CECR2: variants seen among roughly 807,000 people sequenced by gnomAD.
The protein encoded by CECR2 is chromatin remodeling regulator CECR2.
CECR2 carries 30 observed loss-of-function variants against 154.5 expected under a neutral mutation model. The observed-to-expected ratio is 0.19, with a 90% CI of 0.15 to 0.26. The LOEUF (loss-of-function observed/expected upper bound fraction) is 0.26, where lower values mean the gene tolerates loss of function less well. Among genes scored for constraint, CECR2 ranks in the 10% least tolerant of loss-of-function variants. CECR2 has a pLI of 1.00. For missense variants in CECR2, 1,743 were observed against 1,829.3 expected, an observed-to-expected ratio of 0.95 and a Z score of 0.86; for synonymous variants, 725 against 683.7, an observed-to-expected ratio of 1.06 and a Z score of -0.94.
At chr22:17,443,643 C>T (rs1312517900) in intron 1 of CECR2, among the ~76,000 whole-genome samples, 2 of 152,170 alleles carry the variant, frequency 1.3e-5, no homozygotes, top group Middle Eastern at 3.2e-3. Flanking sequence ...CTTTCTCTGC[C>T]GCAGCACCCC....
chr22:17,467,901 A>G (rs954274036), intron 1 of CECR2, among the ~76,000 whole-genome samples: 1 of 152,204 alleles, frequency 6.6e-6, no homozygotes, highest in African/African-American at 2.4e-5. Flanking sequence ...GAGAATTCAC[A>G]CGATCTTTTG....
At chr22:17,547,424 G>A (rs1397779443) in intron 16 of CECR2, among the ~76,000 whole-genome samples, 1 of 152,060 alleles carries the variant, frequency 6.6e-6, no homozygotes, top group East Asian at 1.9e-4. Flanking sequence ...TAGAGACGGG[G>A]TTTCACCGTG....
At chr22:17,391,862 C>T (rs2063329329) in intron 1 of CECR2, among the ~76,000 whole-genome samples, 2 of 152,278 alleles carry the variant, frequency 1.3e-5, no homozygotes, top group South Asian at 2.1e-4. Context: ...AGTACAGTGG[C>T]GCAATCTCCG....
chr22:17,381,378 TA>T (rs753048027), intron 1 of CECR2, among the ~76,000 whole-genome samples: 1 of 152,080 alleles, frequency 6.6e-6, no homozygotes, highest in African/African-American at 2.4e-5. Context: ...ACTTTTTTTT[TA>T]ACACGGAACA....
chr22:17,365,576 C>A (rs569753465), upstream of CECR2, among the ~76,000 whole-genome samples: 117 of 150,484 alleles, frequency 7.8e-4, no homozygotes, highest in African/African-American at 2.8e-3. Context: ...GGTGCCTGTA[C>A]ACCCAGCTAC....
chr22:17,538,955 G>C, intron 12 of CECR2, 38 bp from the exon 13 acceptor site: 1 of 1,600,570 alleles, frequency 6.2e-7, no homozygotes, highest in Non-Finnish European at 8.5e-7. Flanking sequence ...TTTGCTCTCA[G>C]CATATTTTAA....
chr22:17,440,702 T>C (rs1366957066), intron 1 of CECR2, among the ~76,000 whole-genome samples: 2 of 152,152 alleles, frequency 1.3e-5, no homozygotes, highest in Non-Finnish European at 2.9e-5. Context: ...CAAGAAAAAC[T>C]TGATTTCAAG....
chr22:17,528,523 TTTTTCTTTTC>T (rs933881535), intron 9 of CECR2, among the ~76,000 whole-genome samples: 2 of 152,044 alleles, frequency 1.3e-5, no homozygotes, highest in Non-Finnish European at 2.9e-5. Flanking sequence ...TATGGCTTTT[TTTTTCTTTTC>T]TTTTCTTTTT....
chr22:17,407,217 A>G (rs1415553962), intron 1 of CECR2, among the ~76,000 whole-genome samples: 1 of 152,234 alleles, frequency 6.6e-6, no homozygotes, highest in African/African-American at 2.4e-5. Context: ...GTGTAAAATC[A>G]TTTCCTTAGT....
At chr22:17,456,658 T>TA (rs930179994) in intron 1 of CECR2, among the ~76,000 whole-genome samples, 2 of 152,094 alleles carry the variant, frequency 1.3e-5, no homozygotes, top group African/African-American at 4.8e-5. Flanking sequence ...ATCCCTTTTT[T>TA]AAAAAAAGAG....
intron 1 of CECR2, among the ~76,000 whole-genome samples, chr22:17,455,563 A>G (rs1158226831): frequency 6.6e-6 from 1 of 152,114 alleles, no homozygotes; most frequent in East Asian, 1.9e-4. Flanking sequence ...TTAGGTATCC[A>G]TTGATGTGTA....
At chr22:17,406,074 T>C (rs1465833224) in intron 1 of CECR2, among the ~76,000 whole-genome samples, 1 of 152,236 alleles carries the variant, frequency 6.6e-6, no homozygotes, top group Non-Finnish European at 1.5e-5. Flanking sequence ...TATTTGGGAA[T>C]TTTCCAGAGA....
At chr22:17,378,424 G>A (rs2063146295) in intron 1 of CECR2, among the ~76,000 whole-genome samples, 1 of 151,204 alleles carries the variant, frequency 6.6e-6, no homozygotes, top group Admixed American at 6.6e-5. Flanking sequence ...AGCCTCCTGA[G>A]TAGCTGGGAC....
chr22:17,447,894 T>G (rs1042584718), intron 1 of CECR2, among the ~76,000 whole-genome samples: 1 of 152,040 alleles, frequency 6.6e-6, no homozygotes. Context: ...TGTTTGTTTG[T>G]TTTTGTTTTT....
intron 1 of CECR2, among the ~76,000 whole-genome samples, chr22:17,468,477 G>A (rs967347369): frequency 6.6e-6 from 1 of 152,080 alleles, no homozygotes; most frequent in African/African-American, 2.4e-5. Context: ...GCCAGGAGTT[G>A]AAGACCAGCC....
chr22:17,520,621 G>A (rs1202892853), intron 8 of CECR2, among the ~76,000 whole-genome samples: 1 of 151,774 alleles, frequency 6.6e-6, no homozygotes, highest in African/African-American at 2.4e-5. Context: ...TCCCCGCCCT[G>A]TGCCCAAGTG....
At chr22:17,447,551 C>T (rs1273972966) in intron 1 of CECR2, among the ~76,000 whole-genome samples, 1 of 151,544 alleles carries the variant, frequency 6.6e-6, no homozygotes, top group East Asian at 1.9e-4. Context: ...GTCATTCATT[C>T]ATTAGTTCAT....
At chr22:17,544,852 T>TC (rs1376118203) in intron 16 of CECR2, among the ~76,000 whole-genome samples, 1 of 140,232 alleles carries the variant, frequency 7.1e-6, no homozygotes, top group Non-Finnish European at 1.5e-5. Flanking sequence ...ATGCCTATAG[T>TC]CCCAGCTACT....
chr22:17,480,709 G>T (rs2055294682), intron 2 of CECR2, among the ~76,000 whole-genome samples: 1 of 152,088 alleles, frequency 6.6e-6, no homozygotes, highest in African/African-American at 2.4e-5. Context: ...TACCTGTTAT[G>T]CCTCCAAGAC....
Sources: gnomAD v4.1 joint callset for allele counts (sites outside exome capture counted in the v4.1 genomes callset) on GRCh38, gnomAD v4.1.1 for gene constraint, MANE v1.5 for transcripts, NCBI Gene and HGNC (gene_info 2026-07-23, HGNC 2026-07-21) for gene names.